RMND1: variants seen among roughly 807,000 people sequenced by gnomAD.
RMND1 encodes required for meiotic nuclear division 1 homolog, also known as required for meiotic nuclear division protein 1 homolog.
RMND1 carries 41 observed loss-of-function variants against 54.0 expected under a neutral mutation model. The ratio of observed to expected loss-of-function variants is 0.76; its 90% CI spans 0.59 to 0.98. The LOEUF (loss-of-function observed/expected upper bound fraction) is 0.98, where lower values mean the gene tolerates loss of function less well. Among genes scored for constraint, RMND1 ranks in the 50% least tolerant of loss-of-function variants. The pLI is 0.00. For synonymous variants in RMND1, 183 were observed against 181.7 expected (o/e 1.01, Z -0.06); for missense variants, 457 against 532.0 (o/e 0.86, Z 1.39).
intron 9 of RMND1, among the ~76,000 whole-genome samples, chr6:151,420,327 T>C (rs1286689441): frequency 2.6e-5 from 4 of 152,150 alleles, no homozygotes; most frequent in South Asian, 2.1e-4. Flanking sequence ...CTATGAGAGA[T>C]ACACAGACAA....
intron 3 of RMND1, among the ~76,000 whole-genome samples, chr6:151,435,186 C>A (rs1780568665): frequency 6.6e-6 from 1 of 152,066 alleles, no homozygotes; most frequent in Non-Finnish European, 1.5e-5. Flanking sequence ...CACTCTGTCG[C>A]CCAGGTTGGA....
At chr6:151,414,879 C>T (rs1779954208) in intron 10 of RMND1, among the ~76,000 whole-genome samples, 1 of 152,044 alleles carries the variant, frequency 6.6e-6, no homozygotes, top group African/African-American at 2.4e-5. Flanking sequence ...AAGGAAGTGG[C>T]ATGGCATTTT....
intron 1 of RMND1, among the ~76,000 whole-genome samples, chr6:151,451,751 T>C (rs1444183114): frequency 6.6e-6 from 1 of 152,256 alleles, no homozygotes; most frequent in African/African-American, 2.4e-5. Flanking sequence ...GCGCTCATCT[T>C]TGGGAGTATG....
At chr6:151,417,168 A>G (rs944127433) in intron 10 of RMND1, 111 bp downstream of exon 10, 2 of 1,218,980 alleles carry the variant, frequency 1.6e-6, no homozygotes, top group Non-Finnish European at 2.3e-6. Flanking sequence ...GGGAAATATA[A>G]AGAGATTTGA....
intron 3 of RMND1, among the ~76,000 whole-genome samples, chr6:151,433,949 G>T (rs113824149): frequency 3.1e-4 from 14 of 45,084 alleles, no homozygotes; most frequent in African/African-American, 1.5e-3. Flanking sequence ...ACCCCCCCCC[G>T]CCCCACCCAC....
intron 10 of RMND1, among the ~76,000 whole-genome samples, chr6:151,406,496 G>C (rs1027532156): frequency 6.6e-6 from 1 of 152,016 alleles, no homozygotes; most frequent in South Asian, 2.1e-4. Flanking sequence ...CAAATAGCTG[G>C]GACTACAGGT....
intron 10 of RMND1, among the ~76,000 whole-genome samples, chr6:151,414,641 T>A (rs1779947682): frequency 6.6e-6 from 1 of 151,630 alleles, no homozygotes. Context: ...AACTGAAAAA[T>A]ATAATAAATG....
At chr6:151,417,997 G>C (rs1321440531) in intron 9 of RMND1, among the ~76,000 whole-genome samples, 1 of 151,752 alleles carries the variant, frequency 6.6e-6, no homozygotes. Context: ...TTTAGTAAAG[G>C]GTTTTACCAA....
At chr6:151,433,942 C>T (rs912153102) in intron 3 of RMND1, among the ~76,000 whole-genome samples, 1 of 110,960 alleles carries the variant, frequency 9.0e-6, no homozygotes, top group African/African-American at 4.0e-5. Flanking sequence ...TCAAGGGACC[C>T]CCCCCCGCCC....
chr6:151,423,864 T>TC (rs1258950690), intron 6 of RMND1, among the ~76,000 whole-genome samples: 6 of 151,802 alleles, frequency 4.0e-5, no homozygotes, highest in African/African-American at 7.3e-5. Flanking sequence ...TTTTTTTTTT[T>TC]TTTGAGACAG....
rs1034309784 is a variant in RMND1 at position 151,421,044 on chromosome 6, C to T, written c.1079+201G>A. 6.7e-5 allele frequency: 31 copies of T among 460,782 alleles called. No homozygotes were observed. The Middle Eastern group carries it at 2.4e-3, about 35-fold the overall frequency. 28.5% of individuals were successfully genotyped at this position (460,782 alleles called of 1,614,324 possible). On this transcript the variant is annotated intron_variant, in intron 9 of 11. Transcript: ENST00000444024. ...TGAATCGTGATCTCTTTTGCACATGCGTGATTTCTTTCAGTACAGTCTTAA... is the reference window on the plus strand; with the variant it reads ...TGAATCGTGATCTCTTTTGCACATGTGTGATTTCTTTCAGTACAGTCTTAA...
intron 2 of RMND1, among the ~76,000 whole-genome samples, chr6:151,439,248 G>A (rs898710277): frequency 3.9e-5 from 6 of 152,142 alleles, no homozygotes; most frequent in Admixed American, 3.9e-4. Flanking sequence ...GTTATACTTC[G>A]CCTATTGATG....
At chr6:151,436,122 A>G (rs1366936691) in intron 3 of RMND1, 14 of 199,660 alleles carry the variant, frequency 7.0e-5, no homozygotes, top group Non-Finnish European at 1.0e-4. Flanking sequence ...CAAAAAAAAA[A>G]AAAACACAAA....
At chr6:151,419,286 A>C (rs1780088869) in intron 9 of RMND1, among the ~76,000 whole-genome samples, 2 of 151,118 alleles carry the variant, frequency 1.3e-5, no homozygotes, top group African/African-American at 4.9e-5. Context: ...GCTGGTCTCG[A>C]GCTCCCAGCC....
At chr6:151,405,347 A>T (rs544165424) in intron 11 of RMND1, 80 bp from the exon 12 acceptor site, 2 of 1,313,900 alleles carry the variant, frequency 1.5e-6, no homozygotes, top group Non-Finnish European at 2.2e-6. Context: ...ATTGTGATTA[A>T]TGAGAAATGC....
Position 151,420,320 on chromosome 6 carries a change from TGA to T in RMND1, c.1079+923_1079+924del, listed in dbSNP as rs1161538681. 2.6e-5 allele frequency among the ~76,000 whole-genome samples: 4 copies of T among 152,170 alleles called. No homozygotes were observed. The East Asian group carries it at 7.7e-4, about 29-fold the overall frequency. ...ACCCTGAACTATAGGTCCTGAGCTA[TGA>T]GAGATACACAGACAATGAAACACTG... On this transcript the variant is annotated intron_variant, in intron 9 of 11. Coordinates refer to ENST00000444024, the MANE Select transcript of RMND1 (RefSeq NM_017909.4).
rs1383016851 is a variant in RMND1, at chr6:151,417,403, T to TA, written c.1080-5dup. 5 of 1,565,464 alleles carry TA rather than the reference T, an allele frequency of 3.2e-6. No individual in the cohort carries two copies. In the African/African-American group the frequency reaches 6.9e-5, roughly 22 times the overall value. ...TGAACTCAAGTTTATACGGTGCCTT[T>TA]AAAAAGGAAAATTATAACTTTTTAT... On this transcript the variant is annotated splice_polypyrimidine_tract_variant and splice_region_variant and intron_variant, in intron 9 of 11. Coordinates refer to ENST00000444024, the MANE Select transcript of RMND1 (RefSeq NM_017909.4).
chr6:151,445,167 T>C (rs1223027821), intron 2 of RMND1, 141 bp downstream of exon 2: 31 of 772,876 alleles, frequency 4.0e-5, no homozygotes, highest in African/African-American at 1.7e-5. Flanking sequence ...TGGATATTTA[T>C]TAGGCTTCAA....
chr6:151,442,736 T>C (rs1350940292), intron 2 of RMND1, among the ~76,000 whole-genome samples: 2 of 151,116 alleles, frequency 1.3e-5, no homozygotes, highest in Admixed American at 1.3e-4. Flanking sequence ...AATGGGAGTC[T>C]TGCTATGTTG....
Sources: allele counts gnomAD v4.1 joint callset (sites outside exome capture counted in the v4.1 genomes callset), GRCh38; gene constraint gnomAD v4.1.1; transcripts MANE v1.5; gene names NCBI Gene and HGNC (gene_info 2026-07-23, HGNC 2026-07-21).